The following ZCCHC14 variants were observed in gnomAD, a reference collection of about 807,000 sequenced individuals.
ZCCHC14 encodes the protein zinc finger CCHC-type containing 14.
Under a neutral mutation model 85.0 loss-of-function variants are expected in ZCCHC14, and 16 were observed. That is an observed-to-expected ratio of 0.19 (90% CI 0.13 to 0.29). ZCCHC14 has a LOEUF of 0.29. ZCCHC14 is among the 10% of genes least tolerant of loss of function. The pLI is 1.00. For missense variants in ZCCHC14, 1,303 were observed against 1,443.5 expected (o/e 0.90, Z 1.58); for synonymous variants, 775 against 630.7 (o/e 1.23, Z -3.43).
intron 1 of ZCCHC14, among the ~76,000 whole-genome samples, chr16:87,486,093 CAAAGT>C (rs1383873444): frequency 6.6e-6 from 1 of 152,106 alleles, no homozygotes. Flanking sequence ...TAGCTCATGT[CAAAGT>C]AAATGGCCTT....
At chr16:87,462,618 T>C (rs920614418) in intron 1 of ZCCHC14, among the ~76,000 whole-genome samples, 3 of 151,788 alleles carry the variant, frequency 2.0e-5, no homozygotes, top group African/African-American at 7.3e-5. Flanking sequence ...CGGGTGCTTG[T>C]AGTCCCAGCT....
chr16:87,476,766 G>T (rs1370334594), intron 1 of ZCCHC14, among the ~76,000 whole-genome samples: 2 of 150,798 alleles, frequency 1.3e-5, no homozygotes, highest in Non-Finnish European at 3.0e-5. Flanking sequence ...GAAAATGGCG[G>T]GAGGGAATTC....
At chr16:87,445,526 T>C (rs1250257395) in intron 2 of ZCCHC14, among the ~76,000 whole-genome samples, 2 of 152,244 alleles carry the variant, frequency 1.3e-5, no homozygotes, top group Non-Finnish European at 2.9e-5. Flanking sequence ...TTGTTTTTAC[T>C]GTGAAGGATC....
In ZCCHC14 at chr16:87,425,295, G is replaced by A. The variant is rs141201681; in HGVS notation, c.769-1414C>T. ...CCACACCTAAAATGAAAATGCTTGA[G>A]GCCGGGCGCAGTGGCTCACACCTGT... On this transcript the variant is annotated intron_variant, in intron 3 of 12. Coordinates refer to ENST00000671377, the MANE Select transcript of ZCCHC14 (RefSeq NM_015144.3). 2.8e-3 allele frequency among the ~76,000 whole-genome samples: 420 copies of A among 152,312 alleles called. 4 individuals carry two copies. The highest frequency in any genetic ancestry group is 4.2e-3 in the Non-Finnish European group (288 of 68,022).
chr16:87,478,914 A>G (rs908439304), intron 1 of ZCCHC14, among the ~76,000 whole-genome samples: 2 of 152,028 alleles, frequency 1.3e-5, no homozygotes, highest in Non-Finnish European at 2.9e-5. Context: ...CAATTTTACT[A>G]ATTTTACTAT....
intron 1 of ZCCHC14, chr16:87,471,441 A>G (rs1911769205): frequency 6.6e-6 from 1 of 152,270 alleles, no homozygotes; most frequent in Non-Finnish European, 1.5e-5. Flanking sequence ...AAAAAGAGAA[A>G]GAGAGAAAAA....
Position 87,420,037 on chromosome 16 carries a change from T to C in ZCCHC14, c.951-160A>G, listed in dbSNP as rs1426995161. 6.6e-6 allele frequency among the ~76,000 whole-genome samples: 1 copy of C among 152,204 alleles called. No individual in the cohort carries two copies. The highest frequency in any genetic ancestry group is 1.5e-5 in the Non-Finnish European group (1 of 68,026). On this transcript the variant is annotated intron_variant, in intron 5 of 12. Coordinates refer to ENST00000671377, the MANE Select transcript of ZCCHC14 (RefSeq NM_015144.3). This position sits in a 1 kb window ranked among gnomAD's most constrained non-coding sequence, Gnocchi z 5.0. Reference sequence around the variant, plus strand: ...TCTTCCTGCTTTAATTCAACTGAGTTCTTGCCCGACTGCCACTGCTTCTTC... The same window carrying C: ...TCTTCCTGCTTTAATTCAACTGAGTCCTTGCCCGACTGCCACTGCTTCTTC...
chr16:87,467,049 T>G (rs1911555792), intron 1 of ZCCHC14: 15 of 390,172 alleles, frequency 3.8e-5, no homozygotes, highest in Non-Finnish European at 5.6e-5. Context: ...AAAATTGTTT[T>G]TTTTTTTTTT....
intron 3 of ZCCHC14, among the ~76,000 whole-genome samples, chr16:87,425,251 C>A (rs1236417226): frequency 1.3e-5 from 2 of 152,196 alleles, no homozygotes; most frequent in Admixed American, 1.3e-4. Context: ...AAGGCGTGCA[C>A]CTTGCCACCC....
chr16:87,423,943 G>A (rs191228116), intron 3 of ZCCHC14, 62 bp from the exon 4 acceptor site: 6 of 1,568,290 alleles, frequency 3.8e-6, no homozygotes, highest in East Asian at 2.3e-5. Context: ...TTCCCAGCAC[G>A]TGTCCTGGTA....
intron 2 of ZCCHC14, among the ~76,000 whole-genome samples, chr16:87,456,095 C>T (rs80051100): frequency 0.016 from 2,473 of 152,192 alleles, 25 homozygotes; most frequent in Middle Eastern, 0.048. Context: ...TCAACTTTAC[C>T]GTGTGTTTCA....
chr16:87,462,354 C>A (rs763138837), intron 1 of ZCCHC14, among the ~76,000 whole-genome samples: 1 of 152,170 alleles, frequency 6.6e-6, no homozygotes, highest in African/African-American at 2.4e-5. Flanking sequence ...GATACAAGTA[C>A]GATACAAATC....
intron 2 of ZCCHC14, among the ~76,000 whole-genome samples, chr16:87,449,344 G>C (rs532333688): frequency 1.5e-4 from 23 of 152,282 alleles, no homozygotes; most frequent in Middle Eastern, 3.4e-3. Flanking sequence ...AAGAGAAGTA[G>C]AAAGGGATAG....
intron 3 of ZCCHC14, among the ~76,000 whole-genome samples, chr16:87,424,602 G>A (rs1909273740): frequency 6.6e-6 from 1 of 152,176 alleles, no homozygotes; most frequent in Non-Finnish European, 1.5e-5. Flanking sequence ...CTCCAGGGGG[G>A]AAGGGGCGGT....
chr16:87,435,313 G>A (rs1443615184), intron 2 of ZCCHC14, among the ~76,000 whole-genome samples: 1 of 152,196 alleles, frequency 6.6e-6, no homozygotes, highest in Admixed American at 6.5e-5. Context: ...GAAGAACCAC[G>A]CTGAGGGTTC....
In ZCCHC14 at chr16:87,491,881, C is replaced by A; in HGVS notation, c.358G>T (p.Gly120Trp). 6.5e-7 allele frequency: 1 copy of A among 1,547,266 alleles called. No individual in the cohort carries two copies. Among genetic ancestry groups the A allele is most frequent in the East Asian group, 2.6e-5 (1 of 38,654 alleles). ...GTGCGGCCCTCGTTAAGCTGCAGCC[C>A]GTAGTTGTGGATGATGGAGTCGATG... ...THIDSIIHNY[G>W]LQLNEGRTGD... Residue 120 changes from glycine to tryptophan, a missense_variant, in exon 1 of 13, where the codon GGG (glycine) becomes TGG (tryptophan). Transcript: ENST00000671377. The surrounding 1 kb of genome is among the most constrained non-coding windows in gnomAD (Gnocchi z 5.9).
chr16:87,467,274 A>G, intron 1 of ZCCHC14: 1 of 1,578,026 alleles, frequency 6.3e-7, no homozygotes, highest in Admixed American at 1.7e-5. Flanking sequence ...ATTAAGGATA[A>G]TGGAGATCTG....
At chr16:87,484,472 C>A (rs1912424305) in intron 1 of ZCCHC14, among the ~76,000 whole-genome samples, 1 of 152,256 alleles carries the variant, frequency 6.6e-6, no homozygotes. Context: ...GAACTAGAGA[C>A]AGCAGGAGTG....
chr16:87,477,138 AAAACAAAAC>A (rs543393143), intron 1 of ZCCHC14, among the ~76,000 whole-genome samples: 14,795 of 124,772 alleles, frequency 0.12, 1,683 homozygotes, highest in East Asian at 0.37. Flanking sequence ...AAAAAAAAAA[AAAACAAAAC>A]AAAACCAAAA....
Sources: allele counts gnomAD v4.1 joint callset (sites outside exome capture counted in the v4.1 genomes callset), GRCh38; gene constraint gnomAD v4.1.1; non-coding constraint Gnocchi (gnomAD v3.1); transcripts MANE v1.5; gene names NCBI Gene and HGNC (gene_info 2026-07-23, HGNC 2026-07-21).